Variants in NFAT5 observed in about 807,000 individuals in gnomAD.
NFAT5 encodes the protein nuclear factor of activated T-cells 5.
NFAT5 carries 31 observed loss-of-function variants against 166.5 expected under a neutral mutation model. That is an observed-to-expected ratio of 0.19 (90% CI 0.14 to 0.25). NFAT5 has a LOEUF of 0.25. NFAT5 is among the 10% of genes least tolerant of loss of function. The probability of loss-of-function intolerance (pLI) is 1.00; values close to 1 mark genes in which losing one functional copy is unlikely to be tolerated. For synonymous variants in NFAT5, 612 were observed against 639.7 expected (o/e 0.96, Z 0.65); for missense variants, 1,449 against 1,821.8 (o/e 0.80, Z 3.72).
chr16:69,684,988 C>G lies in NFAT5; in HGVS notation c.1774+18C>G. 1 of 1,584,604 alleles carries G rather than the reference C, an allele frequency of 6.3e-7. No homozygotes were observed. Among genetic ancestry groups the G allele is most frequent in the Non-Finnish European group, 8.6e-7 (1 of 1,159,566 alleles). On this transcript the variant is annotated intron_variant, in intron 11 of 14. Coordinates refer to ENST00000349945, the MANE Select transcript of NFAT5 (RefSeq NM_138713.4). Reference sequence around the variant, plus strand: ...CATGAAAGGTACCAAGTAAATTCTTCTCAAAAATCGTAATTGGGTGCTCCT... The same window carrying G: ...CATGAAAGGTACCAAGTAAATTCTTGTCAAAAATCGTAATTGGGTGCTCCT...
intron 4 of NFAT5, chr16:69,648,942 T>TA: frequency 1.0e-6 from 1 of 975,570 alleles, no homozygotes. Flanking sequence ...AAGCAATAAT[T>TA]ACTCTACACC....
At chr16:69,653,858 A>G (rs2035777186) in intron 5 of NFAT5, among the ~76,000 whole-genome samples, 1 of 152,150 alleles carries the variant, frequency 6.6e-6, no homozygotes, top group South Asian at 2.1e-4. Flanking sequence ...TCAGAGAAAT[A>G]CAGTAGAAAT....
intron 3 of NFAT5, among the ~76,000 whole-genome samples, chr16:69,644,152 T>G (rs2035335152): frequency 6.6e-6 from 1 of 152,060 alleles, no homozygotes; most frequent in South Asian, 2.1e-4. Context: ...AGGCATGGTG[T>G]TGTGTGCCTG....
chr16:69,653,935 AGACTT>A (rs1262676805), intron 5 of NFAT5, among the ~76,000 whole-genome samples: 1 of 152,134 alleles, frequency 6.6e-6, no homozygotes, highest in Admixed American at 6.6e-5. Context: ...GACTGAGAAA[AGACTT>A]GATTAATACT....
chr16:69,587,717 C>A (rs1034696156), intron 2 of NFAT5, among the ~76,000 whole-genome samples: 2 of 152,074 alleles, frequency 1.3e-5, no homozygotes, highest in Non-Finnish European at 2.9e-5. Flanking sequence ...TCCTCAACTA[C>A]TAAAGCATTT....
chr16:69,686,461 T>G (rs2037309358), intron 11 of NFAT5, among the ~76,000 whole-genome samples: 2 of 152,080 alleles, frequency 1.3e-5, no homozygotes, highest in Non-Finnish European at 1.5e-5. Flanking sequence ...AGGTCGAAGG[T>G]GCATTGAGCT....
At chr16:69,676,234 A>G (rs2036828406) in intron 9 of NFAT5, among the ~76,000 whole-genome samples, 1 of 152,182 alleles carries the variant, frequency 6.6e-6, no homozygotes, top group Admixed American at 6.5e-5. Context: ...GAAGAAAAAA[A>G]AGTCAAATAT....
intron 2 of NFAT5, among the ~76,000 whole-genome samples, chr16:69,611,409 G>A (rs2033697995): frequency 6.6e-6 from 1 of 152,184 alleles, no homozygotes; most frequent in African/African-American, 2.4e-5. Flanking sequence ...ACAATTAAAT[G>A]TGAGTTTAGT....
At chr16:69,625,632 T>C (rs2034421729) in intron 2 of NFAT5, among the ~76,000 whole-genome samples, 1 of 152,004 alleles carries the variant, frequency 6.6e-6, no homozygotes, top group Non-Finnish European at 1.5e-5. Flanking sequence ...TGAATTAAAA[T>C]ATTTTCTCAA....
chr16:69,700,484 A>G lies in NFAT5; in HGVS notation c.*4133A>G, dbSNP rs549263084. On this transcript the variant is annotated 3_prime_UTR_variant, in exon 15 of 15. Coordinates refer to ENST00000349945, the MANE Select transcript of NFAT5 (RefSeq NM_138713.4). ...AGTGAATCTGTTAGATGCATCAACA[A>G]ATAATGACCAGGACAAAACGATTTA... 1 of 152,372 alleles carries G rather than the reference A, an allele frequency of 6.6e-6. No individual in the cohort carries two copies. Among genetic ancestry groups the G allele is most frequent in the Admixed American group, 6.5e-5 (1 of 15,298 alleles). 9.4% of individuals were successfully genotyped at this position (152,372 alleles called of 1,614,324 possible).
chr16:69,612,697 G>GAC (rs1402964606), intron 2 of NFAT5, among the ~76,000 whole-genome samples: 3 of 150,746 alleles, frequency 2.0e-5, no homozygotes, highest in Non-Finnish European at 3.0e-5. Flanking sequence ...CACATACACA[G>GAC]AGACACACAC....
At position 69,581,874 on chromosome 16, in the gene NFAT5, G is replaced by A. The variant is rs1164563133; in HGVS notation, c.127+13326G>A. On this transcript the variant is annotated intron_variant, in intron 2 of 14. Coordinates refer to ENST00000349945, the MANE Select transcript of NFAT5 (RefSeq NM_138713.4). ...GGCTAATTTGAGCTTATTAATATAT[G>A]CATTAACTTTTTTTGGTGAGAACGC... Among the ~76,000 whole-genome samples the A allele has an allele frequency of 5.3e-5, 8 of 152,098 alleles. No individual in the cohort carries two copies. The East Asian group carries it at 1.5e-3, about 29-fold the overall frequency.
intron 14 of NFAT5, among the ~76,000 whole-genome samples, chr16:69,695,913 T>C (rs1395393081): frequency 1.3e-5 from 2 of 152,202 alleles, no homozygotes; most frequent in Admixed American, 1.3e-4. Context: ...TCAGCTGTGA[T>C]AGATTTTTTT....
chr16:69,655,599 C>T lies in NFAT5; in HGVS notation c.1006-10C>T. 6.5e-7 allele frequency: 1 copy of T among 1,538,254 alleles called. No homozygotes were observed. Among genetic ancestry groups the T allele is most frequent in the South Asian group, 1.3e-5 (1 of 76,990 alleles). On this transcript the variant is annotated splice_polypyrimidine_tract_variant and intron_variant, in intron 5 of 14. Transcript: ENST00000349945. ...AATTAGTGTTTCTGTTGCATGTTTTCTGGTTTCAGCTGGAAGGCCATAATG... is the reference window on the plus strand; with the variant it reads ...AATTAGTGTTTCTGTTGCATGTTTTTTGGTTTCAGCTGGAAGGCCATAATG...
intron 7 of NFAT5, among the ~76,000 whole-genome samples, chr16:69,663,560 T>A: frequency 7.8e-6 from 1 of 127,984 alleles, no homozygotes; most frequent in East Asian, 2.5e-4. Flanking sequence ...CAAACCCATC[T>A]CTTTAAAAAA....
At chr16:69,683,322 A>G (rs1311455840) in intron 10 of NFAT5, among the ~76,000 whole-genome samples, 2 of 152,306 alleles carry the variant, frequency 1.3e-5, no homozygotes, top group East Asian at 3.9e-4. Context: ...GCTTGTGCTC[A>G]GCAGTTTGAG....
chr16:69,679,113 T>C (rs2036950667), intron 10 of NFAT5, among the ~76,000 whole-genome samples: 1 of 152,030 alleles, frequency 6.6e-6, no homozygotes, highest in Non-Finnish European at 1.5e-5. Context: ...TTTTTGTTAG[T>C]AGAGACAGGG....
rs1339169278 is a variant in NFAT5 at position 69,668,021 on chromosome 16, C to T, written c.1370-1956C>T. 3.3e-5 allele frequency among the ~76,000 whole-genome samples: 5 copies of T among 152,112 alleles called. No individual in the cohort carries two copies. In the East Asian group the frequency reaches 7.7e-4, roughly 23 times the overall value. On this transcript the variant is annotated intron_variant, in intron 7 of 14. Transcript: ENST00000349945. The stretch of plus-strand genomic sequence containing the variant: ...CACTTTTGTTTACCAGGCTGGGGTG[C>T]AGTGGCGTGATCTCGGGTCACTGCA...
At chr16:69,662,450 CTTT>C (rs539200298) in intron 7 of NFAT5, among the ~76,000 whole-genome samples, 3,585 of 96,878 alleles carry the variant, frequency 0.037, 111 homozygotes, top group Admixed American at 0.13. Flanking sequence ...ACACCTCTTT[CTTT>C]TTTTTTTTTT....
Sources: allele counts gnomAD v4.1 joint callset (sites outside exome capture counted in the v4.1 genomes callset), GRCh38; gene constraint gnomAD v4.1.1; transcripts MANE v1.5; gene names NCBI Gene and HGNC (gene_info 2026-07-23, HGNC 2026-07-21).